RMDN2: variants seen among roughly 807,000 people sequenced by gnomAD.
RMDN2 encodes regulator of microtubule dynamics 2, also known as regulator of microtubule dynamics protein 2.
In RMDN2, 61 loss-of-function variants were observed where a neutral mutation model predicts 52.8. That is an observed-to-expected ratio of 1.16 (90% CI 0.94 to 1.43). The LOEUF (loss-of-function observed/expected upper bound fraction) is 1.43, where lower values mean the gene tolerates loss of function less well. Ranked by LOEUF, RMDN2 falls within the 40% of genes most tolerant of loss-of-function variation. RMDN2 has a pLI of 0.00. For synonymous variants in RMDN2, 180 were observed against 153.1 expected, an observed-to-expected ratio of 1.18 and a Z score of -1.30; for missense variants, 592 against 475.3, an observed-to-expected ratio of 1.25 and a Z score of -2.28.
In RMDN2 at chr2:37,929,356, TACC is replaced by T; in HGVS notation, c.82_84del (p.His28del). On this transcript the variant is annotated inframe_deletion, in exon 2 of 11. Transcript: ENST00000354545. ...TGGAATCAGCTTGCTGCTCTTGTGG[TACC>T]ACAAGGTCCGTAAACCAGGGATAGC... The T allele has an allele frequency of 1.3e-6, 2 of 1,551,976 alleles. No homozygotes were observed. The highest frequency in any genetic ancestry group is 1.7e-6 in the Non-Finnish European group (2 of 1,146,968).
chr2:37,950,836 A>G (rs547341745), intron 2 of RMDN2, among the ~76,000 whole-genome samples: 121 of 152,226 alleles, frequency 7.9e-4, no homozygotes, highest in African/African-American at 2.7e-3. Flanking sequence ...GTAGTTAGTA[A>G]TCTCCAACAG....
chr2:37,945,210 A>G (rs1314552821), intron 2 of RMDN2, among the ~76,000 whole-genome samples: 1 of 152,246 alleles, frequency 6.6e-6, no homozygotes, highest in Non-Finnish European at 1.5e-5. Flanking sequence ...CCCTGTTACC[A>G]TTAAATCTGT....
chr2:38,024,111 C>T (rs1370077899), intron 10 of RMDN2, among the ~76,000 whole-genome samples: 2 of 152,096 alleles, frequency 1.3e-5, no homozygotes, highest in Non-Finnish European at 2.9e-5. Flanking sequence ...GTAACATGAA[C>T]TAATAGTTCA....
chr2:37,961,274 G>C (rs1283743934), intron 2 of RMDN2, among the ~76,000 whole-genome samples: 1 of 152,082 alleles, frequency 6.6e-6, no homozygotes. Context: ...ATAATATCCT[G>C]AAGAGTGTTT....
intron 10 of RMDN2, among the ~76,000 whole-genome samples, chr2:38,008,191 G>A (rs1219010366): frequency 6.6e-6 from 1 of 152,158 alleles, no homozygotes; most frequent in Non-Finnish European, 1.5e-5. Flanking sequence ...TGTTGATTTG[G>A]GGTGGAGAGT....
intron 10 of RMDN2, among the ~76,000 whole-genome samples, chr2:38,066,387 C>A (rs1041186553): frequency 3.3e-5 from 5 of 152,300 alleles, no homozygotes; most frequent in South Asian, 4.2e-4. Context: ...TTATTTTCCT[C>A]CATAATTCCA....
chr2:38,059,503 A>C (rs1681959415), intron 10 of RMDN2, among the ~76,000 whole-genome samples: 1 of 152,226 alleles, frequency 6.6e-6, no homozygotes, highest in Non-Finnish European at 1.5e-5. Flanking sequence ...ACGGAGACAG[A>C]CAGTAAATCA....
At chr2:37,938,828 T>G (rs1667538372) in intron 2 of RMDN2, among the ~76,000 whole-genome samples, 1 of 152,176 alleles carries the variant, frequency 6.6e-6, no homozygotes, top group Admixed American at 6.5e-5. Context: ...ATCTATTTTG[T>G]AATCTTTTCA....
downstream of RMDN2, among the ~76,000 whole-genome samples, chr2:38,019,229 C>T (rs1679154386): frequency 6.6e-6 from 1 of 152,208 alleles, no homozygotes; most frequent in East Asian, 1.9e-4. Flanking sequence ...TTTGTGGGAG[C>T]AACTCATTCC....
intron 2 of RMDN2, chr2:37,951,171 T>C: frequency 1.4e-6 from 2 of 1,459,434 alleles, no homozygotes; most frequent in East Asian, 2.3e-5. Flanking sequence ...TTCAGGAGGC[T>C]TGGCAGGTCT....
intron 2 of RMDN2, among the ~76,000 whole-genome samples, chr2:37,957,866 C>G (rs372460717): frequency 6.6e-6 from 1 of 152,176 alleles, no homozygotes; most frequent in African/African-American, 2.4e-5. Context: ...CTGCATATGG[C>G]TAGCCAGTTT....
chr2:37,926,701 A>G (rs1052447080), intron 1 of RMDN2, among the ~76,000 whole-genome samples: 1 of 152,214 alleles, frequency 6.6e-6, no homozygotes, highest in African/African-American at 2.4e-5. Flanking sequence ...GCACTTTGAG[A>G]GGTGGAGGCA....
chr2:38,024,460 C>T (rs1167719836), intron 10 of RMDN2, among the ~76,000 whole-genome samples: 1 of 152,100 alleles, frequency 6.6e-6, no homozygotes, highest in Non-Finnish European at 1.5e-5. Flanking sequence ...CAGTCTTTTT[C>T]ATTTTAGCTA....
At chr2:38,031,286 G>A (rs1223091525) in intron 10 of RMDN2, among the ~76,000 whole-genome samples, 5 of 111,366 alleles carry the variant, frequency 4.5e-5, no homozygotes, top group African/African-American at 1.7e-4. Flanking sequence ...TTTTTGAGAT[G>A]GGCTCTTGCC....
intron 8 of RMDN2, among the ~76,000 whole-genome samples, chr2:38,001,558 A>G (rs1676325078): frequency 6.6e-6 from 1 of 152,342 alleles, no homozygotes; most frequent in East Asian, 1.9e-4. Flanking sequence ...CACTTTAGTT[A>G]ACTAAACATG....
chr2:37,962,479 T>G (rs946800437), intron 2 of RMDN2, among the ~76,000 whole-genome samples: 2 of 152,202 alleles, frequency 1.3e-5, no homozygotes, highest in Non-Finnish European at 2.9e-5. Context: ...TCTGGTGGCT[T>G]TGTTTACACT....
chr2:37,925,234 G>T (rs530381448), upstream of RMDN2: 1 of 152,348 alleles, frequency 6.6e-6, no homozygotes. Flanking sequence ...GAGGGAGAGG[G>T]GGCGGGAGCG....
At chr2:37,977,847 G>C (rs1377951965) in intron 4 of RMDN2, among the ~76,000 whole-genome samples, 1 of 151,940 alleles carries the variant, frequency 6.6e-6, no homozygotes. Context: ...CTGGGCGGCC[G>C]GGCAGAGGGG....
intron 6 of RMDN2, among the ~76,000 whole-genome samples, chr2:37,990,392 G>A (rs950669706): frequency 6.0e-5 from 9 of 150,742 alleles, no homozygotes; most frequent in African/African-American, 1.5e-4. Flanking sequence ...GGTGGCGGGC[G>A]CCTGTAATCC....
Sources: gnomAD v4.1 joint callset for allele counts (sites outside exome capture counted in the v4.1 genomes callset) on GRCh38, gnomAD v4.1.1 for gene constraint, MANE v1.5 for transcripts, NCBI Gene and HGNC (gene_info 2026-07-23, HGNC 2026-07-21) for gene names.